The following CCDC138 variants were observed in gnomAD, a reference collection of about 807,000 sequenced individuals.
CCDC138 encodes the protein coiled-coil domain-containing protein 138.
Under a neutral mutation model 82.3 loss-of-function variants are expected in CCDC138, and 66 were observed. The ratio of observed to expected loss-of-function variants is 0.80; its 90% CI spans 0.66 to 0.98. The LOEUF is 0.98. Among genes scored for constraint, CCDC138 ranks in the 50% least tolerant of loss-of-function variants. The pLI is 0.00. For synonymous variants in CCDC138, 297 were observed against 265.4 expected (o/e 1.12, Z -1.16); for missense variants, 816 against 758.9 (o/e 1.08, Z -0.88).
chr2:108,857,842 G>A (rs1692875547), intron 13 of CCDC138, among the ~76,000 whole-genome samples: 1 of 152,158 alleles, frequency 6.6e-6, no homozygotes, highest in Non-Finnish European at 1.5e-5. Context: ...CATACCAGAT[G>A]CAAATGTGTA....
intron 13 of CCDC138, among the ~76,000 whole-genome samples, chr2:108,863,968 G>T (rs1279586345): frequency 1.3e-5 from 2 of 152,128 alleles, no homozygotes; most frequent in Non-Finnish European, 2.9e-5. Context: ...TTTAATGATT[G>T]GTTTGCATCC....
chr2:108,805,412 A>T (rs540136233), intron 7 of CCDC138, among the ~76,000 whole-genome samples: 1 of 152,130 alleles, frequency 6.6e-6, no homozygotes, highest in Non-Finnish European at 1.5e-5. Context: ...CTGGTATCAC[A>T]TTGCAGTATA....
chr2:108,853,865 ATATATACTATATAATATAT>A (rs1377899185), intron 12 of CCDC138, among the ~76,000 whole-genome samples: 1 of 127,688 alleles, frequency 7.8e-6, no homozygotes, highest in Non-Finnish European at 1.6e-5. Context: ...TATATATAAT[ATATATACTATATAATATAT>A]TATATAGTAT....
intron 3 of CCDC138, among the ~76,000 whole-genome samples, chr2:108,791,242 G>A (rs979562628): frequency 2.0e-5 from 3 of 151,982 alleles, no homozygotes; most frequent in Non-Finnish European, 4.4e-5. Context: ...AACTCAGATT[G>A]TCTTTTTGGA....
intron 13 of CCDC138, among the ~76,000 whole-genome samples, chr2:108,858,365 A>C (rs113620753): frequency 6.6e-5 from 10 of 152,138 alleles, no homozygotes; most frequent in Admixed American, 2.0e-4. Context: ...AACAAACAAA[A>C]AAAACACCAA....
At chr2:108,852,057 A>G (rs2104435767) in intron 12 of CCDC138, among the ~76,000 whole-genome samples, 1 of 152,324 alleles carries the variant, frequency 6.6e-6, no homozygotes, top group Non-Finnish European at 1.5e-5. Context: ...AACCAAAGAA[A>G]TAAACACCTA....
chr2:108,816,872 A>AT (rs751750247), intron 10 of CCDC138, among the ~76,000 whole-genome samples: 1 of 152,064 alleles, frequency 6.6e-6, no homozygotes, highest in Non-Finnish European at 1.5e-5. Context: ...TTTAAAAAAA[A>AT]TTTTTGTAGA....
chr2:108,839,337 C>G (rs200011827), intron 11 of CCDC138, 36 bp downstream of exon 11: 2 of 1,524,272 alleles, frequency 1.3e-6, no homozygotes, highest in Admixed American at 1.8e-5. Context: ...ATAAGTAATA[C>G]TCCACCTAAT....
chr2:108,806,715 C>T (rs1357984521), intron 7 of CCDC138, among the ~76,000 whole-genome samples: 1 of 152,192 alleles, frequency 6.6e-6, no homozygotes, highest in Non-Finnish European at 1.5e-5. Flanking sequence ...AGATGAATAA[C>T]ATGTACTTTG....
chr2:108,871,261 G>A lies in CCDC138; in HGVS notation c.1694-2190G>A, dbSNP rs1467182038. On this transcript the variant is annotated intron_variant, in intron 13 of 14. Transcript: ENST00000295124. ...AAATTATAAGTTCCTAGCCAGGTGT[G>A]GTGTCTCATGCCTGTAATCCCAGCA... Among the ~76,000 whole-genome samples, 4 of 150,962 alleles carry A rather than the reference G, an allele frequency of 2.6e-5. No individual in the cohort carries two copies. The East Asian group carries it at 7.8e-4, about 29-fold the overall frequency.
intron 10 of CCDC138, among the ~76,000 whole-genome samples, chr2:108,820,699 C>CA (rs764017401): frequency 0.24 from 14,809 of 62,056 alleles, 1,037 homozygotes; most frequent in African/African-American, 0.35. Flanking sequence ...ATTCAAAGTG[C>CA]AAAAAAAAAA....
intron 13 of CCDC138, among the ~76,000 whole-genome samples, chr2:108,862,237 C>T (rs1241451805): frequency 2.0e-5 from 3 of 151,856 alleles, no homozygotes; most frequent in African/African-American, 7.3e-5. Context: ...CAGAAGAAAT[C>T]TCAATGGAAT....
intron 10 of CCDC138, among the ~76,000 whole-genome samples, chr2:108,825,194 T>C (rs981517491): frequency 9.2e-5 from 14 of 152,082 alleles, no homozygotes; most frequent in African/African-American, 3.4e-4. Context: ...TGTCCAAAAC[T>C]TAGAGAGACT....
chr2:108,882,964 T>A (rs1036239465), intron 2 of CCDC138: 1 of 150,400 alleles, frequency 6.6e-6, no homozygotes, highest in African/African-American at 2.5e-5. Context: ...GAGGTAGGGG[T>A]TTAAGGATGG....
chr2:108,811,243 C>CTTTTT (rs777748122), intron 7 of CCDC138, among the ~76,000 whole-genome samples: 2 of 28,700 alleles, frequency 7.0e-5, no homozygotes, highest in African/African-American at 2.9e-4. Context: ...TTCTTTCTCT[C>CTTTTT]TCTCTTTTTT....
At chr2:108,830,107 A>G (rs989371579) in intron 10 of CCDC138, among the ~76,000 whole-genome samples, 2 of 152,218 alleles carry the variant, frequency 1.3e-5, no homozygotes, top group African/African-American at 4.8e-5. Flanking sequence ...GACACATGCT[A>G]CAGCATGAAT....
At chr2:108,838,026 G>A (rs1351169510) in intron 10 of CCDC138, among the ~76,000 whole-genome samples, 3 of 152,016 alleles carry the variant, frequency 2.0e-5, no homozygotes, top group Non-Finnish European at 4.4e-5. Flanking sequence ...CCACATGAAA[G>A]GCAATGCAGG....
At chr2:108,832,005 T>C (rs1331762388) in intron 10 of CCDC138, among the ~76,000 whole-genome samples, 2 of 151,918 alleles carry the variant, frequency 1.3e-5, no homozygotes, top group Non-Finnish European at 2.9e-5. Flanking sequence ...AGTGCTGGGA[T>C]TACAAGCGTG....
Position 108,806,212 on chromosome 2 carries a change from C to G in CCDC138, c.855+1204C>G, listed in dbSNP as rs558112161. ...ACAGCCTGTTGTCTGTTTGGAATCC[C>G]ACTTTATCCATGGAGAGATTGCTCT... is the stretch of plus-strand genomic sequence containing the variant. On this transcript the variant is annotated intron_variant, in intron 7 of 14. Transcript: ENST00000295124. Among the ~76,000 whole-genome samples, 3 of 152,262 alleles carry G rather than the reference C, an allele frequency of 2.0e-5. No individual in the cohort carries two copies. In the East Asian group the frequency reaches 5.8e-4, roughly 29 times the overall value.
Sources: allele counts gnomAD v4.1 joint callset (sites outside exome capture counted in the v4.1 genomes callset), GRCh38; gene constraint gnomAD v4.1.1; transcripts MANE v1.5; gene names NCBI Gene and HGNC (gene_info 2026-07-23, HGNC 2026-07-21).